The following CLIC5 variants were observed in gnomAD, a reference collection of about 807,000 sequenced individuals.
CLIC5 encodes the protein CLIC family member 5.
In CLIC5, 20 loss-of-function variants were observed where a neutral mutation model predicts 24.7. That is an observed-to-expected ratio of 0.81 (90% CI 0.57 to 1.18). CLIC5 has a LOEUF of 1.18. CLIC5 is among the 50% of genes most tolerant of loss of function. The pLI, the probability that CLIC5 is intolerant of heterozygous loss-of-function variation, is 0.00. For synonymous variants in CLIC5, 159 were observed against 135.6 expected (o/e 1.17, Z -1.20); for missense variants, 341 against 326.1 (o/e 1.05, Z -0.35).
intron 5 of CLIC5, chr6:45,912,757 A>G: frequency 6.7e-7 from 1 of 1,496,866 alleles, no homozygotes; most frequent in Non-Finnish European, 9.0e-7. Context: ...GAAGAAGAAT[A>G]AAGGATGATG....
rs1207008031 is a variant in CLIC5 at position 46,069,458 on chromosome 6, AG to A, written c.540+10244del. ...CCTATGCACACAAATGAGAAAATCTAGAAGAAAATTGATAAATTCCTGGACA... is the reference window on the plus strand; with the variant it reads ...CCTATGCACACAAATGAGAAAATCTAAAGAAAATTGATAAATTCCTGGACA... On this transcript the variant is annotated intron_variant, in intron 1 of 5. Transcript: ENST00000185206. 2.6e-5 allele frequency among the ~76,000 whole-genome samples: 4 copies of A among 152,276 alleles called. No homozygotes were observed. In the East Asian group the frequency reaches 7.7e-4, roughly 29 times the overall value.
chr6:46,100,644 T>C, the CLIC5 span, among the ~76,000 whole-genome samples: 5 of 152,230 alleles, frequency 3.3e-5, no homozygotes, highest in African/African-American at 9.6e-5. Flanking sequence ...GTTAATCATA[T>C]ACCTTTTATT....
chr6:46,079,799 G>A (rs1030485709), exon 1 of CLIC5: 12 of 1,552,044 alleles, frequency 7.7e-6, no homozygotes, highest in Non-Finnish European at 1.0e-5. Context: ...TGGTAGAGAA[G>A]GCCTTACTGT....
Position 45,939,372 on chromosome 6 carries a change from T to G in CLIC5, c.406+2175A>C, listed in dbSNP as rs190799222. Among the ~76,000 whole-genome samples, 6 of 151,026 alleles carry G rather than the reference T, an allele frequency of 4.0e-5. No homozygotes were observed. The East Asian group carries it at 1.2e-3, about 30-fold the overall frequency. Reference sequence around the variant, plus strand: ...GGGACTACAGGCATGTGCCATCACATCTGGCTAATTTTTGTATTTTTAGTG... The same window carrying G: ...GGGACTACAGGCATGTGCCATCACAGCTGGCTAATTTTTGTATTTTTAGTG... On this transcript the variant is annotated intron_variant, in intron 4 of 5. Coordinates refer to ENST00000339561, the MANE Select transcript of CLIC5 (RefSeq NM_016929.5).
the CLIC5 span, among the ~76,000 whole-genome samples, chr6:46,125,541 G>A: frequency 1.3e-5 from 2 of 152,112 alleles, no homozygotes; most frequent in East Asian, 1.9e-4. Context: ...AAACTTGCAC[G>A]TTGTGCACAT....
At chr6:45,942,681 A>G (rs1476859858) in intron 3 of CLIC5, among the ~76,000 whole-genome samples, 1 of 152,224 alleles carries the variant, frequency 6.6e-6, no homozygotes, top group Non-Finnish European at 1.5e-5. Flanking sequence ...GTTCGAACCA[A>G]ACAAGACTTT....
At chr6:46,044,507 G>A (rs79943662) in intron 1 of CLIC5, among the ~76,000 whole-genome samples, 258 of 152,274 alleles carry the variant, frequency 1.7e-3, no homozygotes, top group Middle Eastern at 6.8e-3. Context: ...GTGGATTTGA[G>A]TTATTTGCTT....
At chr6:45,906,479 A>T (rs1762662173) in intron 5 of CLIC5, among the ~76,000 whole-genome samples, 1 of 151,954 alleles carries the variant, frequency 6.6e-6, no homozygotes, top group Non-Finnish European at 1.5e-5. Context: ...TTTTGCAGCT[A>T]TTATAAATTG....
At chr6:45,987,506 G>A (rs1242380598) in intron 1 of CLIC5, among the ~76,000 whole-genome samples, 4 of 152,306 alleles carry the variant, frequency 2.6e-5, no homozygotes, top group East Asian at 3.9e-4. Context: ...TTTTTGTATC[G>A]TTGTTATAAT....
intron 1 of CLIC5, among the ~76,000 whole-genome samples, chr6:46,051,802 A>G (rs1768110331): frequency 6.6e-6 from 1 of 152,218 alleles, no homozygotes; most frequent in Non-Finnish European, 1.5e-5. Context: ...TATTATTCCC[A>G]TATCACAGAT....
chr6:46,011,214 T>G (rs1477713551), intron 1 of CLIC5, among the ~76,000 whole-genome samples: 1 of 152,220 alleles, frequency 6.6e-6, no homozygotes, highest in African/African-American at 2.4e-5. Flanking sequence ...GGCTTAATAG[T>G]TCGTCAGCAT....
At chr6:45,888,109 G>A (rs73456748) in intron 6 of CLIC5, among the ~76,000 whole-genome samples, 2,007 of 152,298 alleles carry the variant, frequency 0.013, 44 homozygotes, top group African/African-American at 0.046. Context: ...CACAGAAGAC[G>A]ACTGAAGTGA....
In CLIC5 at chr6:46,066,499, C is replaced by A. The variant is rs1324648860; in HGVS notation, c.540+13204G>T. Among the ~76,000 whole-genome samples the A allele has an allele frequency of 4.6e-5, 7 of 152,122 alleles. No homozygotes were observed. The East Asian group carries it at 1.3e-3, about 29-fold the overall frequency. Reference sequence around the variant, plus strand: ...TACTGACCAAATTTCCCAGAACACACCAAGAAGCTTTCCTTCCAAAAGCAA... The same window carrying A: ...TACTGACCAAATTTCCCAGAACACAACAAGAAGCTTTCCTTCCAAAAGCAA... On this transcript the variant is annotated intron_variant, in intron 1 of 5. Transcript: ENST00000185206.
intron 1 of CLIC5, among the ~76,000 whole-genome samples, chr6:45,960,343 C>A (rs1357693637): frequency 1.3e-5 from 2 of 152,212 alleles, no homozygotes; most frequent in African/African-American, 4.8e-5. Context: ...AATTTATTGC[C>A]TTTCAGCTCC....
At chr6:46,124,082 C>T in the CLIC5 span, among the ~76,000 whole-genome samples, 1 of 152,294 alleles carries the variant, frequency 6.6e-6, no homozygotes, top group African/African-American at 2.4e-5. Flanking sequence ...GAAAAAACTA[C>T]TTTAAAGTTC....
rs560385020 is a variant in CLIC5 at position 46,031,117 on chromosome 6, G to A, written c.540+48586C>T. Among the ~76,000 whole-genome samples the A allele has an allele frequency of 7.2e-5, 11 of 152,264 alleles. 1 individual carries two copies. Among genetic ancestry groups the A allele is most frequent in the African/African-American group, 2.6e-4 (11 of 41,560 alleles). ...ATTTTATTCAACAAATATTTATTAA[G>A]ATCCTATTTTATTCCCATCACTGTG... is the stretch of plus-strand genomic sequence containing the variant. On this transcript the variant is annotated intron_variant, in intron 1 of 5. Coordinates refer to the CLIC5 transcript ENST00000185206.
chr6:45,912,272 A>G, intron 5 of CLIC5: 1 of 996,582 alleles, frequency 1.0e-6, no homozygotes, highest in Non-Finnish European at 1.2e-6. Flanking sequence ...GATAGGGGCC[A>G]AGGGCTGGCC....
downstream of CLIC5, among the ~76,000 whole-genome samples, chr6:45,897,450 G>T (rs1683087920): frequency 6.6e-6 from 1 of 152,018 alleles, no homozygotes; most frequent in African/African-American, 2.4e-5. Flanking sequence ...AGGGAGGAGG[G>T]AGGTGGTGGA....
the CLIC5 span, among the ~76,000 whole-genome samples, chr6:46,112,961 C>A: frequency 6.6e-6 from 1 of 152,100 alleles, no homozygotes; most frequent in Non-Finnish European, 1.5e-5. Context: ...GGAGGCTAGG[C>A]AGGAGAATCA....
Sources: allele counts gnomAD v4.1 joint callset (sites outside exome capture counted in the v4.1 genomes callset), GRCh38; gene constraint gnomAD v4.1.1; transcripts MANE v1.5; gene names NCBI Gene and HGNC (gene_info 2026-07-23, HGNC 2026-07-21).